The following NALCN variants were observed in gnomAD, a reference collection of about 807,000 sequenced individuals.
NALCN encodes the protein sodium leak channel, non-selective.
A neutral mutation model predicts 225.3 loss-of-function variants in NALCN; 111 were observed. That is an observed-to-expected ratio of 0.49 (90% CI 0.42 to 0.58). The LOEUF (loss-of-function observed/expected upper bound fraction) is 0.58. Ranked by LOEUF, NALCN falls within the 20% of genes least tolerant of loss-of-function variation. The probability of loss-of-function intolerance (pLI) is 0.00; values close to 1 mark genes in which losing one functional copy is unlikely to be tolerated. For missense variants in NALCN, 1,378 were observed against 2,202.4 expected (o/e 0.63, Z 7.49); for synonymous variants, 764 against 769.0 (o/e 0.99, Z 0.11).
At chr13:101,357,073 C>T (rs1423682481) in intron 6 of NALCN, among the ~76,000 whole-genome samples, 1 of 152,154 alleles carries the variant, frequency 6.6e-6, no homozygotes, top group African/African-American at 2.4e-5. Context: ...AACCCACAGC[C>T]AGTATCATAC....
chr13:101,359,071 A>C (rs1360517599), intron 6 of NALCN, among the ~76,000 whole-genome samples: 1 of 152,098 alleles, frequency 6.6e-6, no homozygotes, highest in Non-Finnish European at 1.5e-5. Flanking sequence ...ACAAATAGCT[A>C]ATGCATGCGG....
chr13:101,067,978 TAA>T lies in NALCN; in HGVS notation c.4384_4385del (p.Leu1462LysfsTer4). ...LFYSTEEDQL[L>X]SYNDLRHFQI... Reference sequence around the variant, plus strand: ...GAAAGTGGCGAAGATCATTGTAACTTAAAAGCTGGTCCTCCTCAGTGGAATAA... The same window carrying T: ...GAAAGTGGCGAAGATCATTGTAACTTAAGCTGGTCCTCCTCAGTGGAATAA... On this transcript the variant is annotated frameshift_variant, in exon 39 of 44. Transcript: ENST00000251127. LOFTEE classifies it high-confidence loss of function. 6.2e-7 allele frequency: 1 copy of T among 1,613,298 alleles called. No individual in the cohort carries two copies. The highest frequency in any genetic ancestry group is 8.5e-7 in the Non-Finnish European group (1 of 1,179,726).
At chr13:101,178,061 C>T (rs2039034342) in intron 14 of NALCN, among the ~76,000 whole-genome samples, 1 of 152,164 alleles carries the variant, frequency 6.6e-6, no homozygotes, top group African/African-American at 2.4e-5. Flanking sequence ...AACTGGGCAT[C>T]AGGCTTATTC....
chr13:101,324,756 A>G (rs1363779379), intron 7 of NALCN, among the ~76,000 whole-genome samples: 2 of 152,116 alleles, frequency 1.3e-5, no homozygotes, highest in Non-Finnish European at 2.9e-5. Flanking sequence ...TCCTAATTGA[A>G]TACCCTTTAT....
chr13:101,321,309 G>A (rs993802786), intron 7 of NALCN, among the ~76,000 whole-genome samples: 8 of 152,030 alleles, frequency 5.3e-5, no homozygotes, highest in Non-Finnish European at 1.0e-4. Context: ...CCAGCAATTC[G>A]TAGAAGAAAA....
At chr13:101,141,026 C>T (rs562277994) in intron 17 of NALCN, among the ~76,000 whole-genome samples, 38 of 152,196 alleles carry the variant, frequency 2.5e-4, no homozygotes, top group African/African-American at 9.2e-4. Flanking sequence ...GGTCATATGT[C>T]CATATCATAA....
intron 18 of NALCN, among the ~76,000 whole-genome samples, chr13:101,118,127 T>A (rs538291535): frequency 6.6e-6 from 1 of 152,292 alleles, no homozygotes; most frequent in Admixed American, 6.5e-5. Flanking sequence ...GTAACAAATG[T>A]ACCACTCTGA....
chr13:101,287,726 T>C (rs1054284672), intron 9 of NALCN, among the ~76,000 whole-genome samples: 1 of 152,222 alleles, frequency 6.6e-6, no homozygotes, highest in Admixed American at 6.5e-5. Flanking sequence ...ATTTCAACTT[T>C]GAGAATTCTC....
intron 18 of NALCN, among the ~76,000 whole-genome samples, chr13:101,121,221 C>A (rs924563836): frequency 1.3e-5 from 2 of 152,054 alleles, no homozygotes; most frequent in African/African-American, 4.8e-5. Flanking sequence ...CTGAAGATCG[C>A]CTCCTCCTAG....
At chr13:101,175,018 T>C (rs1162940629) in intron 15 of NALCN, among the ~76,000 whole-genome samples, 3 of 152,208 alleles carry the variant, frequency 2.0e-5, no homozygotes, top group East Asian at 3.8e-4. Flanking sequence ...GATATTTTTT[T>C]CTGCAACTAG....
At chr13:101,369,731 T>G (rs1340586315) in intron 6 of NALCN, among the ~76,000 whole-genome samples, 1 of 152,152 alleles carries the variant, frequency 6.6e-6, no homozygotes, top group African/African-American at 2.4e-5. Context: ...ACACAATATC[T>G]TTTTCCATTT....
At chr13:101,201,227 C>T (rs1220131208) in intron 13 of NALCN, among the ~76,000 whole-genome samples, 4 of 152,056 alleles carry the variant, frequency 2.6e-5, no homozygotes, top group Admixed American at 6.6e-5. Context: ...TTAAAGTGTA[C>T]GATTAAGTGG....
chr13:101,347,952 AGAG>A (rs1182865302), intron 6 of NALCN, among the ~76,000 whole-genome samples: 1 of 152,194 alleles, frequency 6.6e-6, no homozygotes, highest in Non-Finnish European at 1.5e-5. Flanking sequence ...ACTTGTTAAA[AGAG>A]GAGAAGAAAC....
intron 38 of NALCN, among the ~76,000 whole-genome samples, chr13:101,068,462 C>T (rs1276552976): frequency 6.6e-6 from 1 of 152,052 alleles, no homozygotes; most frequent in Non-Finnish European, 1.5e-5. Context: ...ATGAGAAGAG[C>T]CCTTTTGAAA....
intron 15 of NALCN, among the ~76,000 whole-genome samples, chr13:101,175,335 A>G (rs1247322694): frequency 6.6e-6 from 1 of 151,872 alleles, no homozygotes; most frequent in Non-Finnish European, 1.5e-5. Flanking sequence ...TGAAATGCCT[A>G]ACCTGATCAT....
At chr13:101,106,583 A>G (rs1413442288) in intron 22 of NALCN, among the ~76,000 whole-genome samples, 1 of 152,070 alleles carries the variant, frequency 6.6e-6, no homozygotes, top group East Asian at 1.9e-4. Flanking sequence ...TAATTCCCAC[A>G]TGTTGTAGGA....
At chr13:101,116,775 T>C in intron 18 of NALCN, 1 of 367,644 alleles carries the variant, frequency 2.7e-6, no homozygotes, top group Non-Finnish European at 5.4e-6. Context: ...AGTAATTCAT[T>C]TAAAAGTATT....
rs562989905 is a variant in NALCN at position 101,236,027 on chromosome 13, A to G, written c.1434+1728T>C. ...ATTCTACTGTCATTTTATTTCCCAA[A>G]TATTTAACAATATCTATTTAGAAAA... On this transcript the variant is annotated intron_variant, in intron 12 of 43. Coordinates refer to ENST00000251127, the MANE Select transcript of NALCN (RefSeq NM_052867.4). Among the ~76,000 whole-genome samples, 11 of 152,332 alleles carry G rather than the reference A, an allele frequency of 7.2e-5. No homozygotes were observed. In the South Asian group the frequency reaches 2.3e-3, roughly 32 times the overall value.
intron 9 of NALCN, among the ~76,000 whole-genome samples, chr13:101,290,302 CTTA>C (rs1405229851): frequency 6.6e-6 from 1 of 152,132 alleles, no homozygotes; most frequent in East Asian, 1.9e-4. Flanking sequence ...TTAAAGGAAT[CTTA>C]GGTCATCTCC....
Sources: allele counts gnomAD v4.1 joint callset (sites outside exome capture counted in the v4.1 genomes callset), GRCh38; gene constraint gnomAD v4.1.1; transcripts MANE v1.5; gene names NCBI Gene and HGNC (gene_info 2026-07-23, HGNC 2026-07-21).